The following NBEA variants were observed in gnomAD, a reference collection of about 807,000 sequenced individuals.
NBEA encodes lysosomal-trafficking regulator 2.
A neutral mutation model predicts 343.4 loss-of-function variants in NBEA; 44 were observed. The observed-to-expected ratio is 0.13, with a 90% CI of 0.10 to 0.16. The LOEUF is 0.16. NBEA is among the 10% of genes least tolerant of loss of function. The probability of loss-of-function intolerance (pLI) is 1.00; values close to 1 mark genes in which losing one functional copy is unlikely to be tolerated. For synonymous variants in NBEA, 1,175 were observed against 1,238.7 expected (o/e 0.95, Z 1.08); for missense variants, 2,555 against 3,631.3 (o/e 0.70, Z 7.62).
intron 53 of NBEA, among the ~76,000 whole-genome samples, chr13:35,652,522 T>G (rs1397242252): frequency 6.7e-6 from 1 of 148,452 alleles, no homozygotes; most frequent in African/African-American, 2.5e-5. Flanking sequence ...GCACCTGTAG[T>G]CCCAGCTACT....
chr13:34,949,446 T>C (rs1461449284), intron 1 of NBEA, among the ~76,000 whole-genome samples: 2 of 152,234 alleles, frequency 1.3e-5, no homozygotes, highest in Non-Finnish European at 2.9e-5. Flanking sequence ...TGCATTCTTT[T>C]ACTTCTAAGG....
chr13:34,962,808 G>A (rs2059701250), intron 1 of NBEA, among the ~76,000 whole-genome samples: 2 of 151,992 alleles, frequency 1.3e-5, no homozygotes, highest in Non-Finnish European at 2.9e-5. Flanking sequence ...AGCAGAAGAT[G>A]TGTTTTGTGA....
intron 41 of NBEA, among the ~76,000 whole-genome samples, chr13:35,480,354 G>GA (rs912346877): frequency 9.2e-5 from 14 of 151,762 alleles, no homozygotes; most frequent in South Asian, 2.1e-4. Flanking sequence ...CTTTGTTTTC[G>GA]AAAAAAACCT....
chr13:35,183,390 A>G (rs1400716226), intron 29 of NBEA, among the ~76,000 whole-genome samples: 3 of 152,058 alleles, frequency 2.0e-5, no homozygotes, highest in African/African-American at 7.2e-5. Flanking sequence ...TAAAATGGAT[A>G]TTTCAAAAAG....
At chr13:35,273,686 C>T (rs1262966107) in intron 34 of NBEA, among the ~76,000 whole-genome samples, 1 of 152,076 alleles carries the variant, frequency 6.6e-6, no homozygotes, top group Admixed American at 6.6e-5. Context: ...GGGGATATCA[C>T]CACCGTTCCT....
chr13:35,287,464 A>G (rs1490866733), intron 34 of NBEA, among the ~76,000 whole-genome samples: 1 of 151,902 alleles, frequency 6.6e-6, no homozygotes, highest in African/African-American at 2.4e-5. Context: ...CTTCAATCTT[A>G]ATCTATCTTT....
At chr13:35,414,383 C>A (rs1714612900) in intron 38 of NBEA, among the ~76,000 whole-genome samples, 1 of 151,990 alleles carries the variant, frequency 6.6e-6, no homozygotes, top group South Asian at 2.1e-4. Context: ...CTCCTCCCTC[C>A]CCCCACCTCA....
chr13:35,472,277 G>T, intron 40 of NBEA, 123 bp from the exon 41 acceptor site: 1 of 998,130 alleles, frequency 1.0e-6, no homozygotes, highest in South Asian at 1.9e-5. Flanking sequence ...AGAGTTTGCC[G>T]CATAATACAG....
intron 40 of NBEA, among the ~76,000 whole-genome samples, chr13:35,467,585 T>G (rs1371458039): frequency 2.0e-5 from 3 of 152,196 alleles, no homozygotes; most frequent in Admixed American, 6.5e-5. Flanking sequence ...TTGTAAAAAT[T>G]TACTCCCTTA....
intron 13 of NBEA, among the ~76,000 whole-genome samples, chr13:35,112,680 T>A (rs2066275785): frequency 6.6e-6 from 1 of 152,182 alleles, no homozygotes; most frequent in Non-Finnish European, 1.5e-5. Context: ...AGAATTCTCA[T>A]ATGTCCCTCA....
At chr13:35,198,948 C>T (rs750344213) in intron 31 of NBEA, among the ~76,000 whole-genome samples, 1 of 151,994 alleles carries the variant, frequency 6.6e-6, no homozygotes, top group Non-Finnish European at 1.5e-5. Flanking sequence ...GCCCTGCATA[C>T]AACTTAGTTT....
chr13:35,248,666 G>C (rs1236534830), intron 34 of NBEA, among the ~76,000 whole-genome samples: 1 of 152,030 alleles, frequency 6.6e-6, no homozygotes, highest in Non-Finnish European at 1.5e-5. Context: ...TTTCAACATG[G>C]GTGCCAAGAC....
At chr13:35,439,726 A>G (rs1372774405) in intron 39 of NBEA, among the ~76,000 whole-genome samples, 1 of 152,240 alleles carries the variant, frequency 6.6e-6, no homozygotes, top group Non-Finnish European at 1.5e-5. Flanking sequence ...AACTTAAAGT[A>G]TAATAAAAAA....
At chr13:35,386,326 TC>T (rs573294845) in intron 38 of NBEA, among the ~76,000 whole-genome samples, 269 of 152,294 alleles carry the variant, frequency 1.8e-3, no homozygotes, top group African/African-American at 6.0e-3. Flanking sequence ...AACAGAATTT[TC>T]ATCCGTACAT....
intron 45 of NBEA, among the ~76,000 whole-genome samples, chr13:35,574,995 C>T (rs2080663659): frequency 6.6e-6 from 1 of 152,078 alleles, no homozygotes; most frequent in Non-Finnish European, 1.5e-5. Flanking sequence ...CCGCCTCGGC[C>T]TCTCAAAGTG....
chr13:34,955,475 T>C (rs906350894), intron 1 of NBEA, among the ~76,000 whole-genome samples: 2 of 152,064 alleles, frequency 1.3e-5, no homozygotes, highest in Non-Finnish European at 2.9e-5. Context: ...CTAACTTTCC[T>C]TGGAGGAGTT....
At chr13:35,381,922 TC>T (rs2042031689) in intron 38 of NBEA, among the ~76,000 whole-genome samples, 1 of 152,180 alleles carries the variant, frequency 6.6e-6, no homozygotes, top group African/African-American at 2.4e-5. Context: ...TTTTTAATTA[TC>T]TTCTTCTATT....
chr13:35,135,041 TC>T (rs2067640766), intron 17 of NBEA, among the ~76,000 whole-genome samples: 1 of 152,034 alleles, frequency 6.6e-6, no homozygotes, highest in South Asian at 2.1e-4. Flanking sequence ...TACTTTTCCA[TC>T]AATTAAAAAA....
At chr13:35,504,166 T>C (rs1239217123) in intron 41 of NBEA, among the ~76,000 whole-genome samples, 2 of 152,196 alleles carry the variant, frequency 1.3e-5, no homozygotes, top group East Asian at 3.9e-4. Context: ...TTTTGGATTT[T>C]AAAACCAGAA....
Sources: gnomAD v4.1 joint callset for allele counts (sites outside exome capture counted in the v4.1 genomes callset) on GRCh38, gnomAD v4.1.1 for gene constraint, MANE v1.5 for transcripts, NCBI Gene and HGNC (gene_info 2026-07-23, HGNC 2026-07-21) for gene names.